The following PRDM10 variants were observed in gnomAD, a reference collection of about 807,000 sequenced individuals.
PRDM10 encodes PR/SET domain 10, also known as PR domain zinc finger protein 10.
A neutral mutation model predicts 133.1 loss-of-function variants in PRDM10; 65 were observed. The ratio of observed to expected loss-of-function variants is 0.49; its 90% CI spans 0.40 to 0.60. The LOEUF (loss-of-function observed/expected upper bound fraction) is 0.60, where lower values mean the gene tolerates loss of function less well. Among genes scored for constraint, PRDM10 ranks in the 20% least tolerant of loss-of-function variants. The pLI, the probability that PRDM10 is intolerant of heterozygous loss-of-function variation, is 0.00. For missense variants in PRDM10, 1,137 were observed against 1,507.1 expected, an observed-to-expected ratio of 0.75 and a Z score of 4.07; for synonymous variants, 582 against 580.4, an observed-to-expected ratio of 1.00 and a Z score of -0.04.
At chr11:129,949,720 C>T (rs1264760216) in intron 4 of PRDM10, among the ~76,000 whole-genome samples, 2 of 152,048 alleles carry the variant, frequency 1.3e-5, no homozygotes. Flanking sequence ...CACCTGAGGT[C>T]AGGAGTTTGA....
rs746484819 is a variant in PRDM10 at position 129,905,631 on chromosome 11, A to T, written c.3267+7T>A. On this transcript the variant is annotated splice_region_variant and intron_variant, in intron 20 of 20. Transcript: ENST00000360871. ...CAGGAAAAACCCGACCGAGTAGCGT[A>T]GCTTACCGAAGTAACCGCCTTCACC... 4 of 1,611,448 alleles carry T rather than the reference A, an allele frequency of 2.5e-6. No individual in the cohort carries two copies. Among genetic ancestry groups the T allele is most frequent in the Non-Finnish European group, 3.4e-6 (4 of 1,177,574 alleles).
At chr11:129,914,553 C>T (rs1281651119) in intron 17 of PRDM10, 151 bp downstream of exon 17, 6 of 1,070,806 alleles carry the variant, frequency 5.6e-6, no homozygotes, top group African/African-American at 4.7e-5. Flanking sequence ...GCCTCATCAG[C>T]CTGAAAGGGG....
At position 129,923,850 on chromosome 11, in the gene PRDM10, A is replaced by C. The variant is rs990529330; in HGVS notation, c.1879-447T>G. 2.0e-5 allele frequency among the ~76,000 whole-genome samples: 3 copies of C among 152,258 alleles called. No individual in the cohort carries two copies. The highest frequency in any genetic ancestry group is 4.8e-5 in the African/African-American group (2 of 41,478). On this transcript the variant is annotated intron_variant, in intron 12 of 20. Coordinates refer to ENST00000360871, the MANE Select transcript of PRDM10 (RefSeq NM_199437.2). This position sits in a 1 kb window ranked among gnomAD's most constrained non-coding sequence, Gnocchi z 4.4. ...TTTTCTCCGTCTTTAATCTGCACAGAAGCAATTTAGCCCCTTTTGATCCTT... is the reference window on the plus strand; with the variant it reads ...TTTTCTCCGTCTTTAATCTGCACAGCAGCAATTTAGCCCCTTTTGATCCTT...
At chr11:129,959,497 C>T (rs917746556) in intron 2 of PRDM10, among the ~76,000 whole-genome samples, 1 of 152,058 alleles carries the variant, frequency 6.6e-6, no homozygotes, top group African/African-American at 2.4e-5. Context: ...TCCCAGCTGG[C>T]GGAAGAACCA....
chr11:129,964,069 T>C lies in PRDM10; in HGVS notation c.-118-2987A>G, dbSNP rs57745537. Among the ~76,000 whole-genome samples the C allele has an allele frequency of 3.7e-3, 564 of 152,332 alleles. 1 individual carries two copies. The highest frequency in any genetic ancestry group is 0.013 in the African/African-American group (530 of 41,572). ...TTTCTTCATGGTTAGATTCAGGATA[T>C]GTATTTTTAGCAGAGACACCACAGA... On this transcript the variant is annotated intron_variant, in intron 1 of 20. Coordinates refer to ENST00000360871, the MANE Select transcript of PRDM10 (RefSeq NM_199437.2).
At chr11:129,941,997 G>A (rs1269732135) in intron 7 of PRDM10, among the ~76,000 whole-genome samples, 1 of 152,160 alleles carries the variant, frequency 6.6e-6, no homozygotes, top group Non-Finnish European at 1.5e-5. Context: ...CCTGGTTCAA[G>A]CGATTCTCCT....
intron 7 of PRDM10, among the ~76,000 whole-genome samples, chr11:129,939,839 T>G (rs1180326452): frequency 3.3e-5 from 5 of 152,170 alleles, no homozygotes; most frequent in African/African-American, 1.2e-4. Flanking sequence ...CAAGGATACG[T>G]GAGTCAATTG....
intron 1 of PRDM10, among the ~76,000 whole-genome samples, chr11:129,963,882 C>T (rs961562472): frequency 6.6e-6 from 1 of 152,188 alleles, no homozygotes; most frequent in Admixed American, 6.5e-5. Flanking sequence ...GCCTGGGATG[C>T]AATCCGGTAC....
intron 6 of PRDM10, among the ~76,000 whole-genome samples, 200 bp downstream of exon 6, chr11:129,944,571 C>G (rs1259556549): frequency 2.9e-5 from 4 of 139,930 alleles, no homozygotes; most frequent in Non-Finnish European, 6.1e-5. Flanking sequence ...GGCGACAGAG[C>G]AAGACTCCGT....
Position 129,925,123 on chromosome 11 carries a change from C to A in PRDM10, c.1637G>T (p.Arg546Leu). ...REKDKLDQHL[R>L]FHGREGNCPL... ...GCAGTTCCCCTCCCGCCCATGGAAGCGTAAGTGCTGGTCCAGTTTGTCCTT... is the reference window on the plus strand; with the variant it reads ...GCAGTTCCCCTCCCGCCCATGGAAGAGTAAGTGCTGGTCCAGTTTGTCCTT... The change falls in exon 12 of 21, where the codon CGC becomes CTC. Residue 546 changes from arginine to leucine, a missense_variant. By Grantham distance (102) the Arg-to-Leu change is moderately radical. Around this residue, in one of 6 missense-constraint regions of PRDM10, gnomAD observed 635 missense variants for 835.2 expected, o/e 0.76. Transcript: ENST00000360871. 1 of 1,614,202 alleles carries A rather than the reference C, an allele frequency of 6.2e-7. No individual in the cohort carries two copies. Among genetic ancestry groups the A allele is most frequent in the Non-Finnish European group, 8.5e-7 (1 of 1,180,032 alleles).
At chr11:129,981,705 G>A (rs1229128549) in intron 1 of PRDM10, among the ~76,000 whole-genome samples, 1 of 151,944 alleles carries the variant, frequency 6.6e-6, no homozygotes, top group Non-Finnish European at 1.5e-5. Flanking sequence ...AGACCAACCT[G>A]GTCAACATGG....
chr11:129,960,178 T>C (rs1273229507), intron 2 of PRDM10, among the ~76,000 whole-genome samples: 1 of 152,224 alleles, frequency 6.6e-6, no homozygotes, highest in Non-Finnish European at 1.5e-5. Context: ...TTGATTTTGA[T>C]ACTGGTACTA....
intron 1 of PRDM10, among the ~76,000 whole-genome samples, chr11:129,971,134 G>C (rs1049772099): frequency 6.6e-6 from 1 of 152,264 alleles, no homozygotes; most frequent in Middle Eastern, 3.4e-3. Context: ...GAGTGAAGCT[G>C]CAAACCTTCG....
chr11:130,001,561 CCTT>C (rs1939380171), intron 1 of PRDM10, among the ~76,000 whole-genome samples: 1 of 152,198 alleles, frequency 6.6e-6, no homozygotes, highest in Non-Finnish European at 1.5e-5. Flanking sequence ...AGCCACCTCT[CCTT>C]GTGCTTAAGT....
Position 129,955,500 on chromosome 11 carries a change from G to C in PRDM10, c.294+12C>G. On this transcript the variant is annotated intron_variant, in intron 4 of 20. Transcript: ENST00000360871. ...AGTGTTATCCCCAAACAAGAAAAAG[G>C]CAGTTCGTTACCTGCTGAGCTGTAG... The C allele has an allele frequency of 6.2e-7, 1 of 1,613,500 alleles. No homozygotes were observed. Among genetic ancestry groups the C allele is most frequent in the Non-Finnish European group, 8.5e-7 (1 of 1,179,618 alleles).
chr11:129,960,771 C>G (rs111244483), intron 2 of PRDM10, 125 bp downstream of exon 2: 2 of 931,544 alleles, frequency 2.1e-6, no homozygotes, highest in African/African-American at 3.3e-5. Context: ...TCCTTGTGTA[C>G]GAGTTCTTCA....
In PRDM10 at chr11:129,949,570, C is replaced by T. The variant is rs1041910075; in HGVS notation, c.295-2200G>A. On this transcript the variant is annotated intron_variant, in intron 4 of 20. Coordinates refer to ENST00000360871, the MANE Select transcript of PRDM10 (RefSeq NM_199437.2). ...TTCAGGCATCTAGAGGAAGTCTTTG[C>T]AGTACTCACAGAAACATCCTTTTTC... Among the ~76,000 whole-genome samples the T allele has an allele frequency of 4.2e-4, 64 of 152,304 alleles. 1 individual carries two copies. Among genetic ancestry groups the T allele is most frequent in the African/African-American group, 1.5e-3 (62 of 41,556 alleles).
chr11:129,959,970 AGG>A (rs1355382215), intron 2 of PRDM10, among the ~76,000 whole-genome samples: 1 of 148,194 alleles, frequency 6.7e-6, no homozygotes, highest in African/African-American at 2.5e-5. Flanking sequence ...TTTGTTGCCC[AGG>A]CTGGTCCTAA....
intron 4 of PRDM10, among the ~76,000 whole-genome samples, chr11:129,948,830 G>T (rs549472544): frequency 1.5e-4 from 23 of 152,308 alleles, no homozygotes; most frequent in African/African-American, 5.1e-4. Flanking sequence ...ACATCAGGGT[G>T]CATTAGTGTT....
Sources: allele counts gnomAD v4.1 joint callset (sites outside exome capture counted in the v4.1 genomes callset), GRCh38; gene constraint gnomAD v4.1.1; regional missense constraint gnomAD v4.1.1; non-coding constraint Gnocchi (gnomAD v3.1); transcripts MANE v1.5; gene names NCBI Gene and HGNC (gene_info 2026-07-23, HGNC 2026-07-21).